RSPH14: variants seen among roughly 807,000 people sequenced by gnomAD.
RSPH14 encodes the protein radial spoke head 14 homolog, also known as rhabdoid tumor deletion region gene 1.
A neutral mutation model predicts 26.7 loss-of-function variants in RSPH14; 20 were observed. That is an observed-to-expected ratio of 0.75 (90% confidence interval 0.53 to 1.09). The LOEUF is 1.09. RSPH14 is among the 50% of genes least tolerant of loss of function. The pLI is 0.00. For missense variants in RSPH14, 449 were observed against 457.2 expected (o/e 0.98, Z 0.16); for synonymous variants, 177 against 189.3 (o/e 0.93, Z 0.53).
chr22:23,161,086 C>T, the RSPH14 span: 1 of 1,461,010 alleles, frequency 6.8e-7, no homozygotes, highest in Non-Finnish European at 9.2e-7. Flanking sequence ...GAGGCCTTGC[C>T]ATTTCCTGAA....
At chr22:23,099,592 G>A (rs866493600) in intron 4 of RSPH14, among the ~76,000 whole-genome samples, 21 of 152,228 alleles carry the variant, frequency 1.4e-4, no homozygotes, top group Non-Finnish European at 4.4e-5. Flanking sequence ...CACAGCTGGC[G>A]CTGGCGGGCC....
At chr22:23,130,704 A>G (rs933915461) in intron 4 of RSPH14, among the ~76,000 whole-genome samples, 1 of 152,206 alleles carries the variant, frequency 6.6e-6, no homozygotes, top group African/African-American at 2.4e-5. Flanking sequence ...AGAAATGGAA[A>G]AACAACTCGG....
chr22:23,087,379 G>A (rs1391994479), intron 4 of RSPH14, among the ~76,000 whole-genome samples: 3 of 152,164 alleles, frequency 2.0e-5, no homozygotes, highest in South Asian at 2.1e-4. Context: ...TGGGAGGATC[G>A]CTTGAGCCCG....
the RSPH14 span, among the ~76,000 whole-genome samples, chr22:23,168,496 C>CCA: frequency 1.8e-4 from 28 of 151,782 alleles, no homozygotes; most frequent in South Asian, 6.2e-4. Flanking sequence ...CCGCTCCCCG[C>CCA]CACACACACA....
chr22:23,153,293 C>G, the RSPH14 span, among the ~76,000 whole-genome samples: 1 of 152,138 alleles, frequency 6.6e-6, no homozygotes, highest in Non-Finnish European at 1.5e-5. Flanking sequence ...GCTCCCAGAG[C>G]CCCCACATGC....
chr22:23,158,153 C>T, the RSPH14 span: 257 of 1,537,272 alleles, frequency 1.7e-4, 2 homozygotes, highest in Middle Eastern at 9.6e-3. Context: ...GTGTGAGTGA[C>T]CAGGGCCCCT....
rs375976017 is a variant in RSPH14 at position 23,063,920 on chromosome 22, C to T, written c.635G>A (p.Arg212His). 9.3e-6 allele frequency: 15 copies of T among 1,614,012 alleles called. No homozygotes were observed. The highest frequency in any genetic ancestry group is 6.7e-5 in the African/African-American group (5 of 74,918). Reference sequence around the variant, plus strand: ...GCCTCACCTGACATTAAGGAGCGCACGGGCGGCCTTGCTGCGGATGTTCTG... The same window carrying T: ...GCCTCACCTGACATTAAGGAGCGCATGGGCGGCCTTGCTGCGGATGTTCTG... Reference protein sequence around the residue: ...ANQNIRSKAARALLNVSISRE... With the variant: ...ANQNIRSKAAHALLNVSISRE... Residue 212 changes from arginine to histidine, a missense_variant, in exon 5 of 7, where the codon CGT becomes CAT. Coordinates refer to ENST00000216036, the MANE Select transcript of RSPH14 (RefSeq NM_014433.3).
At chr22:23,060,225 A>C (rs1397165035) in intron 6 of RSPH14, among the ~76,000 whole-genome samples, 1 of 152,168 alleles carries the variant, frequency 6.6e-6, no homozygotes, top group Non-Finnish European at 1.5e-5. Context: ...TAATCCCAGC[A>C]CTTTGGGAGG....
At chr22:23,119,200 G>T (rs952155688) in intron 4 of RSPH14, among the ~76,000 whole-genome samples, 2 of 152,234 alleles carry the variant, frequency 1.3e-5, no homozygotes, top group Non-Finnish European at 2.9e-5. Flanking sequence ...TGCAGGCACC[G>T]CTGTGACACA....
chr22:23,062,219 C>T (rs1163216798), intron 5 of RSPH14, among the ~76,000 whole-genome samples: 4 of 152,172 alleles, frequency 2.6e-5, no homozygotes, highest in African/African-American at 7.2e-5. Context: ...GCATGTTCTC[C>T]GTGGCCCCAA....
intron 4 of RSPH14, among the ~76,000 whole-genome samples, chr22:23,114,835 G>C (rs79994202): frequency 1.6e-3 from 250 of 152,300 alleles, no homozygotes; most frequent in African/African-American, 5.4e-3. Flanking sequence ...CCACCTTGTT[G>C]AGAGCAAGGC....
chr22:23,166,095 G>A, the RSPH14 span, among the ~76,000 whole-genome samples: 6 of 139,176 alleles, frequency 4.3e-5, no homozygotes, highest in African/African-American at 1.6e-4. Flanking sequence ...GCAGTGAGCC[G>A]AGATCTTGCC....
intron 4 of RSPH14, among the ~76,000 whole-genome samples, chr22:23,084,042 G>A (rs1417120455): frequency 1.3e-5 from 2 of 152,326 alleles, no homozygotes; most frequent in South Asian, 2.1e-4. Flanking sequence ...AACAAGGAGG[G>A]AGGGGTGAGC....
chr22:23,143,646 G>C (rs1257812728), upstream of RSPH14, among the ~76,000 whole-genome samples: 1 of 152,186 alleles, frequency 6.6e-6, no homozygotes, highest in Non-Finnish European at 1.5e-5. Flanking sequence ...AAGTATAAAA[G>C]CATCTTGCTT....
At chr22:23,081,813 T>C (rs1431832996) in intron 4 of RSPH14, among the ~76,000 whole-genome samples, 75 of 71,762 alleles carry the variant, frequency 1.0e-3, no homozygotes, top group Middle Eastern at 0.013. Context: ...CAGAGTGAGA[T>C]TCCATCTCAA....
At chr22:23,084,045 G>A (rs1182716858) in intron 4 of RSPH14, among the ~76,000 whole-genome samples, 1 of 152,180 alleles carries the variant, frequency 6.6e-6, no homozygotes, top group East Asian at 1.9e-4. Flanking sequence ...AAGGAGGGAG[G>A]GGTGAGCTAT....
intron 3 of RSPH14, among the ~76,000 whole-genome samples, chr22:23,138,402 A>G (rs1237139007): frequency 6.6e-6 from 1 of 152,148 alleles, no homozygotes; most frequent in Non-Finnish European, 1.5e-5. Context: ...CTCTACTAAA[A>G]ATACAAAAAT....
chr22:23,097,428 G>A lies in RSPH14; in HGVS notation c.422-33295C>T, dbSNP rs1245189602. On this transcript the variant is annotated intron_variant, in intron 4 of 6. Coordinates refer to ENST00000216036, the MANE Select transcript of RSPH14 (RefSeq NM_014433.3). ...CTAGGCAGTGGCCATGGTGCTAGGA[G>A]CCTGAGTGTTCTGAGAGAGAGGATC... Among the ~76,000 whole-genome samples, 20 of 152,352 alleles carry A rather than the reference G, an allele frequency of 1.3e-4. No individual in the cohort carries two copies. The East Asian group carries it at 2.7e-3, about 21-fold the overall frequency.
upstream of RSPH14, chr22:23,145,121 T>A: frequency 1.0e-5 from 6 of 575,286 alleles, no homozygotes; most frequent in East Asian, 2.8e-5. Flanking sequence ...CAATACCACA[T>A]CAGGAGCTCT....
Sources: gnomAD v4.1 joint callset for allele counts (sites outside exome capture counted in the v4.1 genomes callset) on GRCh38, gnomAD v4.1.1 for gene constraint, MANE v1.5 for transcripts, NCBI Gene and HGNC (gene_info 2026-07-23, HGNC 2026-07-21) for gene names.